Variants in RC3H2 observed in about 807,000 individuals in gnomAD.
The protein encoded by RC3H2 is ring finger and CCCH-type domains 2.
Under a neutral mutation model 133.3 loss-of-function variants are expected in RC3H2, and 31 were observed. The observed-to-expected ratio is 0.23, with a 90% CI of 0.17 to 0.31. The LOEUF (loss-of-function observed/expected upper bound fraction) is 0.31. Ranked by LOEUF, RC3H2 falls within the 10% of genes least tolerant of loss-of-function variation. RC3H2 has a pLI of 1.00. For missense variants in RC3H2, 1,175 were observed against 1,437.2 expected (o/e 0.82, Z 2.95); for synonymous variants, 517 against 502.2 (o/e 1.03, Z -0.40).
chr9:122,883,797 T>C (rs1747709380), intron 4 of RC3H2, among the ~76,000 whole-genome samples: 1 of 151,822 alleles, frequency 6.6e-6, no homozygotes, highest in Non-Finnish European at 1.5e-5. Flanking sequence ...GTTTGGGTAA[T>C]ATAGGGATAC....
At chr9:122,876,083 G>A (rs544235038) in intron 9 of RC3H2, among the ~76,000 whole-genome samples, 30 of 152,206 alleles carry the variant, frequency 2.0e-4, no homozygotes, top group African/African-American at 7.0e-4. Flanking sequence ...TCACAAGGAT[G>A]GAAAGAAGAA....
chr9:122,868,432 G>A (rs1462856786), intron 9 of RC3H2, among the ~76,000 whole-genome samples: 4 of 151,720 alleles, frequency 2.6e-5, no homozygotes, highest in East Asian at 1.9e-4. Context: ...CTGTTGATCT[G>A]TGACCTTACC....
At chr9:122,890,275 T>C (rs766252061) in intron 4 of RC3H2, 37 bp downstream of exon 4, 24 of 1,553,008 alleles carry the variant, frequency 1.5e-5, no homozygotes, top group Non-Finnish European at 2.0e-5. Context: ...CAAGCCCCAA[T>C]AGCTAATAAA....
chr9:122,853,860 AC>A, intron 18 of RC3H2, 91 bp downstream of exon 18: 1 of 1,611,166 alleles, frequency 6.2e-7, no homozygotes, highest in Non-Finnish European at 8.5e-7. Flanking sequence ...AGAGATAGGC[AC>A]ACCAAAATGC....
At chr9:122,858,519 A>T (rs1830334554) in intron 12 of RC3H2, 150 bp downstream of exon 12, 1 of 630,116 alleles carries the variant, frequency 1.6e-6, no homozygotes, top group Non-Finnish European at 2.8e-6. Flanking sequence ...TATTTCCATC[A>T]AAGGAATGAA....
rs1483420277 is a variant in RC3H2 at position 122,848,880 on chromosome 9, C to G, written c.*747G>C. Reference sequence around the variant, plus strand: ...GAGAATTTAATATCTAGTACATCAGCTGAAAGACTTAGGCACTTGGTTATA... The same window carrying G: ...GAGAATTTAATATCTAGTACATCAGGTGAAAGACTTAGGCACTTGGTTATA... On this transcript the variant is annotated 3_prime_UTR_variant, in exon 21 of 21. Coordinates refer to ENST00000357244, the MANE Select transcript of RC3H2 (RefSeq NM_001100588.3). 2 of 152,016 alleles carry G rather than the reference C, an allele frequency of 1.3e-5. No individual in the cohort carries two copies. 9.4% of individuals were successfully genotyped at this position (152,016 alleles called of 1,614,324 possible). A position where few individuals can be genotyped will look rare whatever the true frequency, so the allele number is the denominator to read the frequency against.
Position 122,847,248 on chromosome 9 carries a change from T to A in RC3H2, c.*2379A>T, listed in dbSNP as rs1243196381. The A allele has an allele frequency of 6.6e-6, 1 of 152,094 alleles. No homozygotes were observed. Among genetic ancestry groups the A allele is most frequent in the African/African-American group, 2.4e-5 (1 of 41,430 alleles). 9.4% of individuals were successfully genotyped at this position (152,094 alleles called of 1,614,324 possible). A position where few individuals can be genotyped will look rare whatever the true frequency, so the allele number is the denominator to read the frequency against. On this transcript the variant is annotated 3_prime_UTR_variant, in exon 21 of 21. Transcript: ENST00000357244. ...CAACCAAGTTTCAAAATTTCAATTT[T>A]AAAATTAAAAAGATAAGGTTAAATA...
chr9:122,882,394 T>C (rs1401511014), intron 5 of RC3H2, among the ~76,000 whole-genome samples: 1 of 152,232 alleles, frequency 6.6e-6, no homozygotes, highest in Non-Finnish European at 1.5e-5. Context: ...CTAAGTGTTC[T>C]GCCAAAGAAA....
chr9:122,896,235 T>C (rs1219590295), intron 2 of RC3H2, among the ~76,000 whole-genome samples: 1 of 152,034 alleles, frequency 6.6e-6, no homozygotes, highest in Non-Finnish European at 1.5e-5. Context: ...TCAGAAGAAA[T>C]CATGGAGAAT....
chr9:122,900,936 G>T (rs1419427483), intron 1 of RC3H2, among the ~76,000 whole-genome samples: 1 of 152,166 alleles, frequency 6.6e-6, no homozygotes, highest in East Asian at 1.9e-4. Flanking sequence ...TAATTTTCCA[G>T]ACTGTAAGTT....
At chr9:122,875,388 A>T (rs747615728) in intron 9 of RC3H2, 1 of 1,532,734 alleles carries the variant, frequency 6.5e-7, no homozygotes. Flanking sequence ...ATAGACAAAC[A>T]TTTAATAAAC....
chr9:122,898,308 C>T (rs762205033), intron 1 of RC3H2, among the ~76,000 whole-genome samples: 25 of 151,852 alleles, frequency 1.6e-4, no homozygotes, highest in Non-Finnish European at 3.2e-4. Flanking sequence ...CATTATTTAG[C>T]GATTGATATA....
At chr9:122,882,756 T>C (rs889073273) in intron 5 of RC3H2, among the ~76,000 whole-genome samples, 12 of 152,230 alleles carry the variant, frequency 7.9e-5, no homozygotes, top group Non-Finnish European at 1.5e-5. Flanking sequence ...ATTTCCTGGT[T>C]GTATCTGAGA....
At chr9:122,859,708 C>A (rs1005682612) in intron 11 of RC3H2, among the ~76,000 whole-genome samples, 3 of 152,138 alleles carry the variant, frequency 2.0e-5, no homozygotes, top group Non-Finnish European at 4.4e-5. Context: ...CCCTAAAGTT[C>A]ATTCCTGACC....
chr9:122,905,101 C>CCGCCCT lies in RC3H2; in HGVS notation c.-68+3_-68+8dup. On this transcript the variant is annotated intron_variant, in intron 1 of 20. Coordinates refer to ENST00000357244, the MANE Select transcript of RC3H2 (RefSeq NM_001100588.3). ...GGCCCGAGCCGCATCGTGCCCGCCC[C>CCGCCCT]CGCCCTACCTGAGGGGGCCCGGGCG... The CCGCCCT allele has an allele frequency of 1.0e-6, 1 of 985,434 alleles. No individual in the cohort carries two copies. The highest frequency in any genetic ancestry group is 1.7e-5 in the African/African-American group (1 of 57,372). The allele number at this position is 985,434 out of a possible 1,614,324, so 61.0% of individuals were successfully genotyped here.
intron 1 of RC3H2, among the ~76,000 whole-genome samples, chr9:122,903,875 T>C (rs1277856184): frequency 2.0e-5 from 3 of 152,376 alleles, no homozygotes; most frequent in African/African-American, 7.2e-5. Context: ...AACAGTGGTA[T>C]AGCTTTTTAG....
At chr9:122,856,650 G>A (rs1352610397) in intron 13 of RC3H2, among the ~76,000 whole-genome samples, 1 of 152,142 alleles carries the variant, frequency 6.6e-6, no homozygotes, top group Non-Finnish European at 1.5e-5. Flanking sequence ...ATTCAAAGGA[G>A]GCTCTGGAGA....
chr9:122,896,776 A>C (rs1832435702), intron 2 of RC3H2, among the ~76,000 whole-genome samples: 1 of 151,970 alleles, frequency 6.6e-6, no homozygotes, highest in African/African-American at 2.4e-5. Context: ...TAGTCCTAGC[A>C]CCCTGGGAGG....
intron 2 of RC3H2, among the ~76,000 whole-genome samples, chr9:122,894,629 C>T (rs1260672227): frequency 1.3e-5 from 2 of 152,114 alleles, no homozygotes; most frequent in African/African-American, 4.8e-5. Context: ...CCTATAATCC[C>T]AGCACTTTGG....
Sources: allele counts gnomAD v4.1 joint callset (sites outside exome capture counted in the v4.1 genomes callset), GRCh38; gene constraint gnomAD v4.1.1; transcripts MANE v1.5; gene names NCBI Gene and HGNC (gene_info 2026-07-23, HGNC 2026-07-21).